RGS3: variants seen among roughly 807,000 people sequenced by gnomAD.
RGS3 encodes the protein regulator of G protein signaling 3.
RGS3 carries 80 observed loss-of-function variants against 132.6 expected under a neutral mutation model. The ratio of observed to expected loss-of-function variants is 0.60; its 90% confidence interval spans 0.50 to 0.73. The LOEUF is 0.73. Ranked by LOEUF, RGS3 falls within the 30% of genes least tolerant of loss-of-function variation. The pLI, the probability that RGS3 is intolerant of heterozygous loss-of-function variation, is 0.00. For missense variants in RGS3, 1,382 were observed against 1,530.8 expected (o/e 0.90, Z 1.62); for synonymous variants, 598 against 620.6 (o/e 0.96, Z 0.54).
intron 3 of RGS3, among the ~76,000 whole-genome samples, chr9:113,475,534 T>C (rs1260372076): frequency 6.6e-6 from 1 of 152,132 alleles, no homozygotes; most frequent in African/African-American, 2.4e-5. Context: ...ACCTCCCAAG[T>C]AGCTGAGACT....
intron 23 of RGS3, 96 bp from the exon 22 acceptor site, chr9:113,595,503 C>A: frequency 7.3e-7 from 1 of 1,369,192 alleles, no homozygotes; most frequent in East Asian, 2.3e-5. Flanking sequence ...GCTCCCAGCA[C>A]GCCCATCTTT....
At chr9:113,556,454 A>G (rs566731111) in intron 19 of RGS3, among the ~76,000 whole-genome samples, 1 of 152,300 alleles carries the variant, frequency 6.6e-6, no homozygotes, top group South Asian at 2.1e-4. Context: ...TTTCTGTGAT[A>G]ATATATAATC....
At chr9:113,456,058 C>T (rs530455374), upstream of RGS3, among the ~76,000 whole-genome samples, 21 of 152,312 alleles carry the variant, frequency 1.4e-4, no homozygotes, top group African/African-American at 4.8e-4. Context: ...ACCTACTGGA[C>T]CTCTTAACAA....
In RGS3 at chr9:113,545,444, T is replaced by C. The variant is rs528473403; in HGVS notation, c.2037+8526T>C. Among the ~76,000 whole-genome samples, 28 of 152,252 alleles carry C rather than the reference T, an allele frequency of 1.8e-4. No homozygotes were observed. The South Asian group carries it at 2.9e-3, about 16-fold the overall frequency. On this transcript the variant is annotated intron_variant, in intron 19 of 24. Coordinates refer to ENST00000350696, the Ensembl canonical transcript of RGS3. ...ATCTCCCCTAAGAGATGCAGACTCT[T>C]CTCCCTAAAAACTGTTTCCAGGCAG...
At chr9:113,476,124 A>G (rs1242909277) in intron 3 of RGS3, among the ~76,000 whole-genome samples, 1 of 152,050 alleles carries the variant, frequency 6.6e-6, no homozygotes, top group Non-Finnish European at 1.5e-5. Context: ...TCTTGAGAAA[A>G]GCTGTGGCAC....
At chr9:113,532,518 CACTCTGCTGTTG>C (rs1832514738) in intron 18 of RGS3, among the ~76,000 whole-genome samples, 1 of 152,164 alleles carries the variant, frequency 6.6e-6, no homozygotes, top group African/African-American at 2.4e-5. Flanking sequence ...CCCAGCCCTA[CACTCTGCTGTTG>C]AGACAGGCAA....
At chr9:113,594,675 T>C in intron 22 of RGS3, 144 bp downstream of exon 20, 2 of 751,252 alleles carry the variant, frequency 2.7e-6, no homozygotes, top group Non-Finnish European at 4.3e-6. Flanking sequence ...GGGAGCTGGG[T>C]ACCTGGCAAG....
In RGS3 at chr9:113,541,623, G is replaced by A. The variant is rs1832906435; in HGVS notation, c.2037+4705G>A. The A allele has an allele frequency of 3.2e-6, 4 of 1,233,204 alleles. No individual in the cohort carries two copies. In the South Asian group the frequency reaches 1.0e-4, roughly 31 times the overall value. 76.4% of individuals were successfully genotyped at this position (1,233,204 alleles called of 1,614,324 possible). A position where few individuals can be genotyped will look rare whatever the true frequency, so the allele number is the denominator to read the frequency against. On this transcript the variant is annotated intron_variant, in intron 19 of 24. Coordinates refer to ENST00000350696, the Ensembl canonical transcript of RGS3. ...CCACAATGGTGTGAGAGGCCTTGTG[G>A]GCATGCAGAGACTGGCAGCAGAAAG... is the stretch of plus-strand genomic sequence containing the variant.
At chr9:113,499,303 A>C (rs951828239) in intron 10 of RGS3, among the ~76,000 whole-genome samples, 1 of 151,770 alleles carries the variant, frequency 6.6e-6, no homozygotes, top group African/African-American at 2.4e-5. Context: ...GCTGTTACCT[A>C]ATCTTCACTG....
At chr9:113,523,279 G>A (rs1832048285) in intron 17 of RGS3, among the ~76,000 whole-genome samples, 1 of 152,198 alleles carries the variant, frequency 6.6e-6, no homozygotes, top group African/African-American at 2.4e-5. Flanking sequence ...CAGAGAGGCT[G>A]TGGAGTCGGG....
intron 19 of RGS3, chr9:113,580,906 G>A (rs1008934608): frequency 6.1e-6 from 6 of 985,510 alleles, no homozygotes; most frequent in East Asian, 2.3e-4. Flanking sequence ...GGGGAAATGC[G>A]GCCCGCTCCC....
chr9:113,555,752 AC>A (rs34546449), intron 19 of RGS3, among the ~76,000 whole-genome samples: 2 of 151,778 alleles, frequency 1.3e-5, no homozygotes, highest in African/African-American at 4.8e-5. Context: ...GGCGTGAGCC[AC>A]CCTGGCCGGT....
chr9:113,505,327 G>C (rs1268023222), intron 10 of RGS3, 115 bp from the exon 9 acceptor site: 3 of 851,684 alleles, frequency 3.5e-6, no homozygotes, highest in Non-Finnish European at 5.8e-6. Context: ...TGTGCCTCCA[G>C]TTCCCTTGGA....
At chr9:113,596,357 G>A (rs985020833) in intron 24 of RGS3, among the ~76,000 whole-genome samples, 12 of 152,270 alleles carry the variant, frequency 7.9e-5, no homozygotes, top group Non-Finnish European at 1.8e-4. Context: ...AGTGCCTACT[G>A]TGTGCCAGGC....
At chr9:113,487,084 A>G (rs1830354370) in intron 7 of RGS3, among the ~76,000 whole-genome samples, 1 of 146,148 alleles carries the variant, frequency 6.8e-6, no homozygotes, top group African/African-American at 2.5e-5. Flanking sequence ...TTAACAGTGC[A>G]TTGTCTCATT....
intron 19 of RGS3, chr9:113,542,049 G>GAA: frequency 6.0e-6 from 1 of 166,270 alleles, no homozygotes; most frequent in East Asian, 1.9e-4. Context: ...GGCAAGCTGT[G>GAA]ATCATCTATG....
intron 3 of RGS3, among the ~76,000 whole-genome samples, chr9:113,467,057 A>AT (rs1404331578): frequency 3.3e-5 from 5 of 151,340 alleles, no homozygotes; most frequent in African/African-American, 1.2e-4. Flanking sequence ...TACTCCATTC[A>AT]TTTTTATGGC....
intron 17 of RGS3, among the ~76,000 whole-genome samples, chr9:113,525,853 A>G (rs1479471471): frequency 6.6e-6 from 1 of 152,158 alleles, no homozygotes; most frequent in Non-Finnish European, 1.5e-5. Context: ...ATGAATGACT[A>G]AAAGGAGAGC....
chr9:113,509,323 T>C (rs1831297812), intron 14 of RGS3, among the ~76,000 whole-genome samples: 1 of 151,398 alleles, frequency 6.6e-6, no homozygotes, highest in African/African-American at 2.4e-5. Context: ...TGAGCCTCAG[T>C]TTCTTCATTT....
Sources: allele counts gnomAD v4.1 joint callset (sites outside exome capture counted in the v4.1 genomes callset), GRCh38; gene constraint gnomAD v4.1.1; transcripts MANE v1.5; gene names NCBI Gene and HGNC (gene_info 2026-07-23, HGNC 2026-07-21).